PAPPA: variants seen among roughly 807,000 people sequenced by gnomAD.
PAPPA encodes the protein pappalysin 1, also known as pappalysin-1.
PAPPA carries 60 observed loss-of-function variants against 164.0 expected under a neutral mutation model. The observed-to-expected ratio is 0.37, with a 90% CI of 0.30 to 0.45. The LOEUF is 0.45. Ranked by LOEUF, PAPPA falls within the 20% of genes least tolerant of loss-of-function variation. PAPPA has a pLI of 1.00. For synonymous variants in PAPPA, 875 were observed against 814.1 expected (o/e 1.07, Z -1.27); for missense variants, 1,782 against 2,087.3 (o/e 0.85, Z 2.85).
chr9:116,325,229 A>G (rs1845906196), intron 10 of PAPPA, among the ~76,000 whole-genome samples: 1 of 152,054 alleles, frequency 6.6e-6, no homozygotes, highest in Non-Finnish European at 1.5e-5. Context: ...CCTTGAAAGG[A>G]TTTTTCAAAG....
intron 9 of PAPPA, among the ~76,000 whole-genome samples, chr9:116,280,213 A>G (rs544357005): frequency 1.8e-4 from 27 of 152,300 alleles, no homozygotes; most frequent in African/African-American, 6.3e-4. Context: ...TTCAAAGAAA[A>G]CAGCAGTGAA....
At chr9:116,372,510 C>T (rs1356190773) in intron 19 of PAPPA, among the ~76,000 whole-genome samples, 1 of 152,148 alleles carries the variant, frequency 6.6e-6, no homozygotes, top group Non-Finnish European at 1.5e-5. Flanking sequence ...ATGAGATAGA[C>T]TATTCCAGTC....
chr9:116,167,617 C>T (rs1300868954), intron 1 of PAPPA, among the ~76,000 whole-genome samples: 1 of 152,090 alleles, frequency 6.6e-6, no homozygotes, highest in African/African-American at 2.4e-5. Context: ...CATTCTCAGG[C>T]AAATCTTGGA....
In PAPPA at chr9:116,352,786, C is replaced by T; in HGVS notation, c.4045C>T (p.Pro1349Ser). 2 of 1,613,980 alleles carry T rather than the reference C, an allele frequency of 1.2e-6. No individual in the cohort carries two copies. The highest frequency in any genetic ancestry group is 1.7e-6 in the Non-Finnish European group (2 of 1,179,982). The change falls in exon 16 of 22, where the codon CCA becomes TCA. Residue 1349 changes from proline to serine, a missense_variant. Pro to Ser is a moderately conservative substitution (Grantham distance 74). Transcript: ENST00000328252. ...CCTGTGTGAGCTCATGTGCCTCGCT[C>T]CACCCCCTGTGCCCAATGCAGACCT... is the stretch of plus-strand genomic sequence containing the variant. ...EALCELMCLA[P>S]PPVPNADLQT...
intron 9 of PAPPA, among the ~76,000 whole-genome samples, chr9:116,274,084 CAAA>C (rs11342214): frequency 1.1e-4 from 15 of 140,784 alleles, no homozygotes; most frequent in Admixed American, 2.1e-4. Context: ...AAGCTACCTG[CAAA>C]AAAAAAAAAG....
chr9:116,178,932 G>A (rs1295712030), intron 1 of PAPPA, among the ~76,000 whole-genome samples: 1 of 152,206 alleles, frequency 6.6e-6, no homozygotes, highest in African/African-American at 2.4e-5. Context: ...GGAGACACAA[G>A]AGCCAGAGGG....
At chr9:116,279,612 G>C (rs532293776) in intron 9 of PAPPA, among the ~76,000 whole-genome samples, 2 of 152,282 alleles carry the variant, frequency 1.3e-5, no homozygotes, top group Admixed American at 1.3e-4. Flanking sequence ...GTGAGGAATC[G>C]AGACCAAACT....
At chr9:116,247,224 T>G (rs755914381) in intron 7 of PAPPA, among the ~76,000 whole-genome samples, 1 of 152,150 alleles carries the variant, frequency 6.6e-6, no homozygotes, top group Non-Finnish European at 1.5e-5. Context: ...CATATTAATA[T>G]CAATTCTGAG....
chr9:116,155,779 C>G (rs180908930), intron 1 of PAPPA, among the ~76,000 whole-genome samples: 2 of 152,260 alleles, frequency 1.3e-5, no homozygotes, highest in Admixed American at 1.3e-4. Context: ...TTTAGGAGAC[C>G]CACACTCTGC....
At chr9:116,328,003 C>T (rs773469391) in intron 10 of PAPPA, among the ~76,000 whole-genome samples, 9 of 152,154 alleles carry the variant, frequency 5.9e-5, no homozygotes, top group Admixed American at 2.6e-4. Flanking sequence ...TAAAATAACA[C>T]CAGTATATTC....
chr9:116,226,756 G>A (rs959708266), intron 5 of PAPPA, among the ~76,000 whole-genome samples: 8 of 152,212 alleles, frequency 5.3e-5, no homozygotes, highest in Non-Finnish European at 1.2e-4. Flanking sequence ...CAACTTGGTA[G>A]GGGAAGCCAT....
At chr9:116,219,178 C>A (rs1844411994) in intron 4 of PAPPA, among the ~76,000 whole-genome samples, 1 of 152,186 alleles carries the variant, frequency 6.6e-6, no homozygotes, top group African/African-American at 2.4e-5. Flanking sequence ...TTCCTGGTCG[C>A]CTGCCTGTCC....
intron 8 of PAPPA, among the ~76,000 whole-genome samples, chr9:116,267,329 A>C (rs1845079524): frequency 6.6e-6 from 1 of 152,262 alleles, no homozygotes; most frequent in Non-Finnish European, 1.5e-5. Context: ...TGCAAGTGAA[A>C]AGAGCTGGCA....
At chr9:116,329,450 A>G (rs1010212845) in intron 10 of PAPPA, among the ~76,000 whole-genome samples, 4 of 152,168 alleles carry the variant, frequency 2.6e-5, no homozygotes, top group South Asian at 4.1e-4. Flanking sequence ...CAAGTTTTTC[A>G]TATTTGCTTC....
intron 1 of PAPPA, among the ~76,000 whole-genome samples, chr9:116,176,714 T>C (rs143013642): frequency 1.3e-5 from 2 of 152,308 alleles, no homozygotes; most frequent in African/African-American, 4.8e-5. Flanking sequence ...TTAGAGTCTG[T>C]TGAGCACCTA....
At chr9:116,258,327 G>C (rs560697552) in intron 7 of PAPPA, among the ~76,000 whole-genome samples, 1 of 151,970 alleles carries the variant, frequency 6.6e-6, no homozygotes, top group African/African-American at 2.4e-5. Context: ...TGTGGAAATC[G>C]CTATAGACTG....
At chr9:116,260,304 A>G (rs1205598987) in intron 7 of PAPPA, among the ~76,000 whole-genome samples, 1 of 152,352 alleles carries the variant, frequency 6.6e-6, no homozygotes, top group East Asian at 1.9e-4. Context: ...AATTTGTTAT[A>G]GTATAGTCTG....
rs1401245848 is a variant in PAPPA, at chr9:116,187,167, A to G, written c.429A>G (p.Lys143=). Residue 143 remains lysine (K), a synonymous_variant, in exon 2 of 22, where the codon AAA becomes AAG. Transcript: ENST00000328252. The surrounding 1 kb of genome is among the most constrained non-coding windows in gnomAD (Gnocchi z 4.2). ...GGGGCCACATAGGGCTGTATGACAA[A>G]TGTTCTTATATCTCACGTGACCGAG... is the stretch of plus-strand genomic sequence containing the variant. ...SPAVITGLYD[K]CSYISRDRGW... is the part of the protein sequence containing the mutation. 6.2e-7 allele frequency: 1 copy of G among 1,612,816 alleles called. No homozygotes were observed. The highest frequency in any genetic ancestry group is 8.5e-7 in the Non-Finnish European group (1 of 1,179,016).
At chr9:116,172,141 G>C (rs1843782035) in intron 1 of PAPPA, among the ~76,000 whole-genome samples, 1 of 152,100 alleles carries the variant, frequency 6.6e-6, no homozygotes, top group African/African-American at 2.4e-5. Flanking sequence ...CTCTGAGGTG[G>C]GTACTATTAT....
Sources: gnomAD v4.1 joint callset for allele counts (sites outside exome capture counted in the v4.1 genomes callset) on GRCh38, gnomAD v4.1.1 for gene constraint, Gnocchi (gnomAD v3.1) non-coding constraint, MANE v1.5 for transcripts, NCBI Gene and HGNC (gene_info 2026-07-23, HGNC 2026-07-21) for gene names.